The following CPVL variants were observed in gnomAD, a reference collection of about 807,000 sequenced individuals.
CPVL encodes carboxypeptidase vitellogenic like.
In CPVL, 51 loss-of-function variants were observed where a neutral mutation model predicts 63.7. The ratio of observed to expected loss-of-function variants is 0.80; its 90% CI spans 0.64 to 1.01. CPVL has a LOEUF of 1.01. Among genes scored for constraint, CPVL ranks in the 50% least tolerant of loss-of-function variants. CPVL has a pLI of 0.00. For synonymous variants in CPVL, 195 were observed against 206.0 expected, an observed-to-expected ratio of 0.95 and a Z score of 0.46; for missense variants, 530 against 573.1, an observed-to-expected ratio of 0.92 and a Z score of 0.77.
intron 12 of CPVL, among the ~76,000 whole-genome samples, chr7:29,001,538 GC>G: frequency 6.6e-6 from 1 of 152,252 alleles, no homozygotes; most frequent in East Asian, 1.9e-4. Flanking sequence ...TAAAAAACAA[GC>G]CAAAGCTTGT....
chr7:29,158,517 C>A (rs1472213028), intron 5 of CPVL, among the ~76,000 whole-genome samples: 2 of 36,700 alleles, frequency 5.4e-5, no homozygotes, highest in African/African-American at 2.0e-4. Flanking sequence ...ATTGTGTAGC[C>A]TAGTCTTTAT....
At chr7:29,110,195 G>A (rs1382590698) in intron 3 of CPVL, among the ~76,000 whole-genome samples, 14 of 152,230 alleles carry the variant, frequency 9.2e-5, no homozygotes, top group Admixed American at 8.5e-4. Flanking sequence ...GGAAAGTAAG[G>A]AATTGGAGTT....
At chr7:29,130,490 T>A (rs1790570431) in intron 1 of CPVL, among the ~76,000 whole-genome samples, 1 of 152,220 alleles carries the variant, frequency 6.6e-6, no homozygotes, top group Non-Finnish European at 1.5e-5. Context: ...ATGGGCTCCC[T>A]TGTTACAGAA....
In CPVL at chr7:29,022,277, C is replaced by CA. The variant is rs527998888; in HGVS notation, c.1320+8299dup. On this transcript the variant is annotated intron_variant, in intron 12 of 12. Coordinates refer to ENST00000265394, the MANE Select transcript of CPVL (RefSeq NM_031311.5). ...TGCTTGCCACCAGGAGACCTAAAAA[C>CA]AGGTCTGCCTGTCTGCCACCACCAC... Among the ~76,000 whole-genome samples the CA allele has an allele frequency of 1.3e-4, 20 of 152,314 alleles. No homozygotes were observed. In the South Asian group the frequency reaches 3.3e-3, roughly 25 times the overall value.
At chr7:29,121,871 G>A (rs1028626731) in intron 1 of CPVL, among the ~76,000 whole-genome samples, 41 of 152,182 alleles carry the variant, frequency 2.7e-4, no homozygotes, top group African/African-American at 9.6e-4. Context: ...AGAAAGAAAG[G>A]GGGGAGGGTC....
At position 29,146,413 on chromosome 7, in the gene CPVL, G is replaced by T; in HGVS notation, c.-11+16C>A. On this transcript the variant is annotated intron_variant, in intron 1 of 12. Transcript: ENST00000265394. ...CGCTGAGCTGGCACGACCCACGCAG[G>T]GCAGGCGGCACTTACGCGGCGCAGT... 9.9e-7 allele frequency: 1 copy of T among 1,006,032 alleles called. No homozygotes were observed. The highest frequency in any genetic ancestry group is 1.4e-6 in the Non-Finnish European group (1 of 712,494). The allele number at this position is 1,006,032 out of a possible 1,614,324, so 62.3% of individuals were successfully genotyped here.
At chr7:29,026,749 G>A (rs1385877247) in intron 12 of CPVL, among the ~76,000 whole-genome samples, 1 of 152,048 alleles carries the variant, frequency 6.6e-6, no homozygotes, top group Non-Finnish European at 1.5e-5. Flanking sequence ...TAGGGGAATG[G>A]ATAAATTCCT....
intron 11 of CPVL, among the ~76,000 whole-genome samples, chr7:29,059,936 G>A (rs1791110452): frequency 6.6e-6 from 1 of 152,106 alleles, no homozygotes; most frequent in African/African-American, 2.4e-5. Flanking sequence ...TGTGACCTCA[G>A]TTTCAACAAA....
chr7:29,186,237 A>G (rs892152746), intron 2 of CPVL, among the ~76,000 whole-genome samples: 2 of 150,780 alleles, frequency 1.3e-5, no homozygotes, highest in Admixed American at 6.6e-5. Flanking sequence ...GCCTGCCCCA[A>G]AGTTTATGTT....
At chr7:28,996,850 G>A (rs1311429843) in intron 12 of CPVL, among the ~76,000 whole-genome samples, 1 of 150,552 alleles carries the variant, frequency 6.6e-6, no homozygotes, top group Non-Finnish European at 1.5e-5. Context: ...ACACACTTCA[G>A]CATCACATTA....
At chr7:29,125,500 C>T (rs1417354747) in intron 1 of CPVL, among the ~76,000 whole-genome samples, 1 of 148,446 alleles carries the variant, frequency 6.7e-6, no homozygotes, top group Non-Finnish European at 1.5e-5. Flanking sequence ...TCAAGCGATT[C>T]TCTTGCCTCA....
At chr7:29,147,995 C>T (rs1340708410), upstream of CPVL, among the ~76,000 whole-genome samples, 2 of 152,186 alleles carry the variant, frequency 1.3e-5, no homozygotes, top group African/African-American at 4.8e-5. Context: ...TCCCACAGGG[C>T]TCTAGTCCAT....
intron 3 of CPVL, chr7:29,096,425 G>T: frequency 1.8e-6 from 1 of 568,360 alleles, no homozygotes; most frequent in Non-Finnish European, 3.1e-6. Flanking sequence ...CTCATATGCT[G>T]GTGTCTTCTT....
chr7:29,194,386 C>T (rs1041943700), intron 1 of CPVL: 2 of 152,540 alleles, frequency 1.3e-5, no homozygotes, highest in African/African-American at 4.8e-5. Context: ...GCAGCCGAAC[C>T]ACCCCCCGAG....
chr7:29,119,266 G>A (rs909051634), intron 2 of CPVL, among the ~76,000 whole-genome samples: 12 of 152,156 alleles, frequency 7.9e-5, no homozygotes, highest in African/African-American at 2.2e-4. Context: ...GCAGGCAGAT[G>A]ACTTGAGGTC....
chr7:29,139,422 G>A (rs1791604493), intron 1 of CPVL, among the ~76,000 whole-genome samples: 1 of 151,768 alleles, frequency 6.6e-6, no homozygotes, highest in Non-Finnish European at 1.5e-5. Flanking sequence ...GATGATTCAC[G>A]CAGGCTACCT....
intron 12 of CPVL, among the ~76,000 whole-genome samples, chr7:29,019,551 A>T (rs1786749230): frequency 6.6e-6 from 1 of 152,142 alleles, no homozygotes. Flanking sequence ...TCCAGAGACA[A>T]GTCTACTTTG....
chr7:29,162,390 G>T (rs1033938430), intron 5 of CPVL, among the ~76,000 whole-genome samples: 1 of 152,150 alleles, frequency 6.6e-6, no homozygotes, highest in Admixed American at 6.5e-5. Flanking sequence ...GGCCAGGCGT[G>T]GTGGCTCACA....
intron 1 of CPVL, among the ~76,000 whole-genome samples, chr7:29,123,597 G>GAAAAAAAAAAAAA (rs778757980): frequency 2.4e-5 from 1 of 41,246 alleles, no homozygotes; most frequent in Non-Finnish European, 4.8e-5. Context: ...AACTGGTTCA[G>GAAAAAAAAAAAAA]AAAAAAAAAA....
Sources: allele counts gnomAD v4.1 joint callset (sites outside exome capture counted in the v4.1 genomes callset), GRCh38; gene constraint gnomAD v4.1.1; transcripts MANE v1.5; gene names NCBI Gene and HGNC (gene_info 2026-07-23, HGNC 2026-07-21).